The following ARMC2 variants were observed in gnomAD, a reference collection of about 807,000 sequenced individuals.
ARMC2 encodes armadillo repeat-containing protein 2.
A neutral mutation model predicts 90.3 loss-of-function variants in ARMC2; 67 were observed. The observed-to-expected ratio is 0.74, with a 90% CI of 0.61 to 0.91. The LOEUF (loss-of-function observed/expected upper bound fraction) is 0.91. Among genes scored for constraint, ARMC2 ranks in the 40% least tolerant of loss-of-function variants. ARMC2 has a pLI of 0.00. For missense variants in ARMC2, 920 were observed against 1,030.9 expected, an observed-to-expected ratio of 0.89 and a Z score of 1.47; for synonymous variants, 393 against 393.0, an observed-to-expected ratio of 1.00 and a Z score of 0.00.
At chr6:109,042,039 A>G in the ARMC2 span, among the ~76,000 whole-genome samples, 3 of 152,130 alleles carry the variant, frequency 2.0e-5, no homozygotes, top group Non-Finnish European at 4.4e-5. Flanking sequence ...AGTAAATAAT[A>G]GAAAGATAAT....
the ARMC2 span, among the ~76,000 whole-genome samples, chr6:109,038,729 A>G: frequency 6.6e-6 from 1 of 152,234 alleles, no homozygotes; most frequent in African/African-American, 2.4e-5. Flanking sequence ...AATTTTTAAT[A>G]AGCAAGAATA....
the ARMC2 span, among the ~76,000 whole-genome samples, chr6:109,015,880 G>C: frequency 6.6e-6 from 1 of 152,276 alleles, no homozygotes; most frequent in South Asian, 2.1e-4. Flanking sequence ...GATTTCATTT[G>C]TACCTAAACA....
the ARMC2 span, among the ~76,000 whole-genome samples, chr6:109,011,676 A>G: frequency 6.8e-6 from 1 of 147,524 alleles, no homozygotes; most frequent in Non-Finnish European, 1.5e-5. Flanking sequence ...GTCAGCCAGG[A>G]TGAGTGCAGT....
At chr6:109,012,400 C>T in the ARMC2 span, among the ~76,000 whole-genome samples, 3 of 152,152 alleles carry the variant, frequency 2.0e-5, no homozygotes, top group African/African-American at 7.2e-5. Flanking sequence ...GGTCAACTTA[C>T]TCAACTGTAT....
intron 12 of ARMC2, among the ~76,000 whole-genome samples, chr6:108,945,896 CT>C (rs1776768539): frequency 6.6e-6 from 1 of 152,246 alleles, no homozygotes; most frequent in Admixed American, 6.5e-5. Context: ...ACCCCTTCCC[CT>C]GGTGCCTTTG....
chr6:108,941,087 C>T (rs753199681), intron 12 of ARMC2, among the ~76,000 whole-genome samples: 14 of 144,820 alleles, frequency 9.7e-5, no homozygotes, highest in South Asian at 8.9e-4. Flanking sequence ...GCTAGCTAGA[C>T]AGACAGACAG....
the ARMC2 span, among the ~76,000 whole-genome samples, chr6:109,052,582 G>C: frequency 5.9e-4 from 90 of 152,230 alleles, 1 homozygote; most frequent in African/African-American, 1.9e-3. Flanking sequence ...TATTGAAAAT[G>C]AGAGTATTCA....
chr6:108,952,901 A>T, intron 12 of ARMC2, 132 bp from the exon 13 acceptor site: 1 of 855,916 alleles, frequency 1.2e-6, no homozygotes, highest in Non-Finnish European at 1.8e-6. Flanking sequence ...CAAATACTGT[A>T]CAAGTGAGCC....
downstream of ARMC2, among the ~76,000 whole-genome samples, chr6:108,978,723 G>A (rs1779032382): frequency 6.6e-6 from 1 of 152,060 alleles, no homozygotes. Context: ...TCTTCTTGTT[G>A]CATTGATCCC....
chr6:109,000,729 C>A, the ARMC2 span: 1 of 1,300,324 alleles, frequency 7.7e-7, no homozygotes, highest in Non-Finnish European at 1.0e-6. Context: ...ACTACATATC[C>A]TTTTTATTTA....
intron 15 of ARMC2, among the ~76,000 whole-genome samples, chr6:108,963,870 G>A (rs1778167449): frequency 6.6e-6 from 1 of 152,202 alleles, no homozygotes; most frequent in Non-Finnish European, 1.5e-5. Context: ...ATAACTGGAA[G>A]TTAGATGAGT....
chr6:108,964,214 G>A lies in ARMC2; in HGVS notation c.2187G>A (p.Gln729=), dbSNP rs751327369. The change falls in exon 16 of 18, where the codon CAG becomes CAA. Residue 729 remains glutamine, a synonymous_variant. Coordinates refer to ENST00000392644, the MANE Select transcript of ARMC2 (RefSeq NM_032131.6). ...TCATGATGGCGCTGCTGGATGCTCA[G>A]CATCAGGATATCTGCTTTTCTGCCT... ...HRFMMALLDA[Q]HQDICFSACG... 1.2e-5 allele frequency: 20 copies of A among 1,613,830 alleles called. No homozygotes were observed. The East Asian group carries it at 3.8e-4, about 31-fold the overall frequency.
chr6:108,887,224 T>G (rs1245213642), intron 5 of ARMC2, among the ~76,000 whole-genome samples: 6 of 152,112 alleles, frequency 3.9e-5, no homozygotes, highest in African/African-American at 1.2e-4. Context: ...TTTTATAGTA[T>G]TTTTAAAGAA....
the ARMC2 span, chr6:109,009,524 C>T: frequency 1.4e-5 from 17 of 1,182,324 alleles, no homozygotes; most frequent in Non-Finnish European, 2.1e-6. Context: ...GCCGCGGCTC[C>T]TGGCTGCAGC....
chr6:108,995,368 A>G, the ARMC2 span, among the ~76,000 whole-genome samples: 7 of 152,216 alleles, frequency 4.6e-5, no homozygotes, highest in Non-Finnish European at 8.8e-5. Flanking sequence ...CTTTATTTCT[A>G]CAATTTACCA....
intron 5 of ARMC2, among the ~76,000 whole-genome samples, chr6:108,890,789 C>G (rs1380093079): frequency 1.3e-5 from 2 of 152,092 alleles, no homozygotes; most frequent in African/African-American, 4.8e-5. Flanking sequence ...ATTTTAAGTT[C>G]TGGGATGCAT....
intron 3 of ARMC2, among the ~76,000 whole-genome samples, chr6:108,860,602 C>T (rs9386757): frequency 0.033 from 4,885 of 145,898 alleles, 206 homozygotes; most frequent in East Asian, 0.2. Flanking sequence ...GCGGAGCTTG[C>T]AGTGAGCCGA....
chr6:108,860,873 G>T (rs1156385701), intron 3 of ARMC2, among the ~76,000 whole-genome samples: 2 of 152,046 alleles, frequency 1.3e-5, no homozygotes, highest in South Asian at 4.1e-4. Context: ...GTTAAAGTCT[G>T]GTTGCTAGCT....
the ARMC2 span, chr6:108,998,634 ATTTC>A: frequency 1.2e-6 from 2 of 1,613,952 alleles, no homozygotes; most frequent in Non-Finnish European, 1.7e-6. Context: ...ATCACAATGA[ATTTC>A]TGGACTGATT....
Sources: allele counts gnomAD v4.1 joint callset (sites outside exome capture counted in the v4.1 genomes callset), GRCh38; gene constraint gnomAD v4.1.1; transcripts MANE v1.5; gene names NCBI Gene and HGNC (gene_info 2026-07-23, HGNC 2026-07-21).